SLIT3: variants seen among roughly 807,000 people sequenced by gnomAD.
SLIT3 encodes slit guidance ligand 3.
SLIT3 carries 68 observed loss-of-function variants against 184.0 expected under a neutral mutation model. That is an observed-to-expected ratio of 0.37 (90% CI 0.30 to 0.45). The LOEUF is 0.45. Ranked by LOEUF, SLIT3 falls within the 20% of genes least tolerant of loss-of-function variation. SLIT3 has a pLI of 1.00. For missense variants in SLIT3, 1,707 were observed against 2,026.0 expected (o/e 0.84, Z 3.02); for synonymous variants, 831 against 828.6 (o/e 1.00, Z -0.05).
At chr5:168,884,423 T>TCACACC (rs369129500) in intron 4 of SLIT3, among the ~76,000 whole-genome samples, 1 of 137,858 alleles carries the variant, frequency 7.3e-6, no homozygotes, top group Non-Finnish European at 1.6e-5. Context: ...TCTCTCTCTC[T>TCACACC]CTCTCACACA....
intron 14 of SLIT3, among the ~76,000 whole-genome samples, chr5:168,764,847 C>T (rs1035667048): frequency 2.0e-5 from 3 of 152,320 alleles, no homozygotes. Flanking sequence ...AAATCTCCTG[C>T]CCTTGGCTTG....
intron 4 of SLIT3, among the ~76,000 whole-genome samples, chr5:169,114,045 G>A (rs1021729979): frequency 1.3e-5 from 2 of 152,152 alleles, no homozygotes; most frequent in African/African-American, 2.4e-5. Context: ...CTACTGTTAC[G>A]ATTAGGGAGG....
At chr5:168,697,733 G>A (rs1762103148) in intron 27 of SLIT3, among the ~76,000 whole-genome samples, 1 of 152,182 alleles carries the variant, frequency 6.6e-6, no homozygotes. Flanking sequence ...TCAGGTCTCA[G>A]CTCTTGGGGT....
At chr5:168,942,770 G>C (rs1367269633) in intron 4 of SLIT3, among the ~76,000 whole-genome samples, 1 of 133,256 alleles carries the variant, frequency 7.5e-6, no homozygotes, top group Non-Finnish European at 1.6e-5. Context: ...GAGTTTGTGG[G>C]GGGTGACCAG....
At chr5:168,685,019 C>T (rs1214486579) in intron 31 of SLIT3, among the ~76,000 whole-genome samples, 2 of 152,250 alleles carry the variant, frequency 1.3e-5, no homozygotes, top group East Asian at 1.9e-4. Context: ...GGCATGACCT[C>T]GGCTTACTGC....
intron 4 of SLIT3, among the ~76,000 whole-genome samples, chr5:169,132,613 A>G (rs1049171308): frequency 6.6e-6 from 1 of 152,186 alleles, no homozygotes; most frequent in African/African-American, 2.4e-5. Context: ...ATCCAAATCT[A>G]AGTTTGCATG....
At chr5:169,189,952 G>T (rs763077731) in intron 4 of SLIT3, among the ~76,000 whole-genome samples, 4 of 152,276 alleles carry the variant, frequency 2.6e-5, no homozygotes, top group Non-Finnish European at 4.4e-5. Context: ...TACTCAAAGC[G>T]CAGGGAACTG....
intron 9 of SLIT3, among the ~76,000 whole-genome samples, chr5:168,799,056 T>C (rs1343796752): frequency 6.6e-6 from 1 of 152,164 alleles, no homozygotes; most frequent in Non-Finnish European, 1.5e-5. Context: ...TCTTAGTCCT[T>C]TCCAGCTCAT....
chr5:169,054,447 T>C (rs1482124521), intron 4 of SLIT3, among the ~76,000 whole-genome samples: 1 of 152,110 alleles, frequency 6.6e-6, no homozygotes, highest in Admixed American at 6.5e-5. Flanking sequence ...AACCACCCAC[T>C]TTGTGGTGAT....
At chr5:169,081,987 C>G (rs1050871035) in intron 4 of SLIT3, among the ~76,000 whole-genome samples, 4 of 152,064 alleles carry the variant, frequency 2.6e-5, no homozygotes, top group South Asian at 4.2e-4. Flanking sequence ...TGACTCCAGA[C>G]CCCCCCACAG....
At position 168,868,761 on chromosome 5, in the gene SLIT3, A is replaced by AAAAAAG. The variant is rs527558712; in HGVS notation, c.485+14498_485+14503dup. ...GGAATCTGCCTCAAAAAAAAAAAAAAAAAAAGAAAAAGAAAAAGAAAAAGA... is the reference window on the plus strand; with the variant it reads ...GGAATCTGCCTCAAAAAAAAAAAAAAAAAAAGAAAAAGAAAAAGAAAAAGAAAAAGA... On this transcript the variant is annotated intron_variant, in intron 5 of 35. Transcript: ENST00000519560. 2.9e-3 allele frequency among the ~76,000 whole-genome samples: 405 copies of AAAAAAG among 141,052 alleles called. 3 individuals are homozygous for AAAAAAG. Among genetic ancestry groups the AAAAAAG allele is most frequent in the African/African-American group, 0.011 (375 of 34,854 alleles). 92.5% of individuals were successfully genotyped at this position (141,052 alleles called of 152,430 possible).
chr5:168,760,523 C>T (rs2288798), intron 16 of SLIT3, among the ~76,000 whole-genome samples: 2,880 of 152,242 alleles, frequency 0.019, 91 homozygotes, highest in East Asian at 0.15. Flanking sequence ...CTTAGATACC[C>T]GTGCCCCATT....
intron 5 of SLIT3, among the ~76,000 whole-genome samples, chr5:168,862,950 C>T (rs910417789): frequency 1.3e-5 from 2 of 152,220 alleles, no homozygotes; most frequent in African/African-American, 2.4e-5. Context: ...GTTGGGATTA[C>T]AGGCATGAGC....
chr5:168,975,687 TTC>T (rs1315484301), intron 4 of SLIT3, among the ~76,000 whole-genome samples: 1 of 152,212 alleles, frequency 6.6e-6, no homozygotes, highest in African/African-American at 2.4e-5. Flanking sequence ...TTCTGTAGGA[TTC>T]TGTTTCTTAC....
intron 4 of SLIT3, among the ~76,000 whole-genome samples, chr5:168,941,792 A>G (rs1383594468): frequency 1.3e-5 from 2 of 152,202 alleles, no homozygotes; most frequent in Non-Finnish European, 2.9e-5. Flanking sequence ...TCTGAACATA[A>G]CTTTCCTGGT....
chr5:168,985,572 C>T (rs978783648), intron 4 of SLIT3, among the ~76,000 whole-genome samples: 3 of 152,312 alleles, frequency 2.0e-5, no homozygotes, highest in Non-Finnish European at 4.4e-5. Flanking sequence ...CAGGTCCACT[C>T]CTCCCTAATT....
intron 4 of SLIT3, among the ~76,000 whole-genome samples, chr5:168,998,893 C>CTGTGTGTGTGTGTGTGTGTGTG (rs71575505): frequency 2.1e-5 from 3 of 143,290 alleles, no homozygotes; most frequent in African/African-American, 7.8e-5. Context: ...ACCCAGAAAT[C>CTGTGTGTGTGTGTGTGTGTGTG]TGTGTGTGTG....
Position 168,685,783 on chromosome 5 carries a change from T to C in SLIT3, c.3459A>G (p.Arg1153=), listed in dbSNP as rs1187227999. 6.2e-7 allele frequency: 1 copy of C among 1,613,358 alleles called. No individual in the cohort carries two copies. Among genetic ancestry groups the C allele is most frequent in the East Asian group, 2.2e-5 (1 of 44,866 alleles). ...CRCPPGFAGP[R]CEKLITVNFV... ...AGTTGACAGTGATGAGCTTCTCGCA[T>C]CTGGGGCCGGCGAAGCCTGGTGGGC... Residue 1153 remains arginine, a synonymous_variant, in exon 31 of 36, where the codon AGA becomes AGG. Coordinates refer to ENST00000519560, the MANE Select transcript of SLIT3 (RefSeq NM_003062.4).
intron 12 of SLIT3, among the ~76,000 whole-genome samples, chr5:168,778,000 A>C (rs1755820796): frequency 6.6e-6 from 1 of 152,208 alleles, no homozygotes; most frequent in Non-Finnish European, 1.5e-5. Flanking sequence ...GAGGTTTAGC[A>C]GTTCTATAAG....
Sources: allele counts gnomAD v4.1 joint callset (sites outside exome capture counted in the v4.1 genomes callset), GRCh38; gene constraint gnomAD v4.1.1; transcripts MANE v1.5; gene names NCBI Gene and HGNC (gene_info 2026-07-23, HGNC 2026-07-21).